The following CSNK1G3 variants were observed in gnomAD, a reference collection of about 807,000 sequenced individuals.
CSNK1G3 encodes the protein casein kinase 1 gamma 3, also known as casein kinase I isoform gamma-3.
Under a neutral mutation model 64.3 loss-of-function variants are expected in CSNK1G3, and 23 were observed. That is an observed-to-expected ratio of 0.36 (90% CI 0.26 to 0.51). The LOEUF (loss-of-function observed/expected upper bound fraction) is 0.51, where lower values mean the gene tolerates loss of function less well. Ranked by LOEUF, CSNK1G3 falls within the 20% of genes least tolerant of loss-of-function variation. CSNK1G3 has a pLI of 0.96. For missense variants in CSNK1G3, 357 were observed against 510.5 expected (o/e 0.70, Z 2.90); for synonymous variants, 158 against 162.2 (o/e 0.97, Z 0.20).
intron 1 of CSNK1G3, among the ~76,000 whole-genome samples, chr5:123,539,936 G>C (rs1781418896): frequency 6.6e-6 from 1 of 152,084 alleles, no homozygotes; most frequent in Non-Finnish European, 1.5e-5. Context: ...GTTACTCATA[G>C]TCCTTTGTCC....
chr5:123,616,415 C>G (rs539380062), exon 13 of CSNK1G3: 2 of 152,650 alleles, frequency 1.3e-5, no homozygotes, highest in Admixed American at 6.5e-5. Context: ...ATGATCTGAA[C>G]TCCTTATACA....
chr5:123,515,292 G>A (rs553291188), intron 1 of CSNK1G3, among the ~76,000 whole-genome samples: 1 of 152,240 alleles, frequency 6.6e-6, no homozygotes, highest in African/African-American at 2.4e-5. Context: ...TGGAACAAGC[G>A]GTTGTTTTGT....
intron 1 of CSNK1G3, among the ~76,000 whole-genome samples, chr5:123,541,342 A>G (rs1036097509): frequency 1.3e-5 from 2 of 152,228 alleles, no homozygotes; most frequent in African/African-American, 4.8e-5. Context: ...TAATAATAAT[A>G]CAGCCTCACA....
intron 1 of CSNK1G3, among the ~76,000 whole-genome samples, chr5:123,536,551 G>A (rs528601869): frequency 1.3e-4 from 19 of 151,754 alleles, no homozygotes; most frequent in African/African-American, 4.6e-4. Context: ...GCTAGAAGGA[G>A]TATATTGAAT....
At chr5:123,513,324 GTCTAC>G (rs755076009) in intron 1 of CSNK1G3, among the ~76,000 whole-genome samples, 2 of 152,064 alleles carry the variant, frequency 1.3e-5, no homozygotes, top group Non-Finnish European at 2.9e-5. Flanking sequence ...GGAGATGTGT[GTCTAC>G]TCGTGGGGTG....
At chr5:123,568,279 A>G (rs752004235) in intron 4 of CSNK1G3, among the ~76,000 whole-genome samples, 1 of 152,116 alleles carries the variant, frequency 6.6e-6, no homozygotes, top group Non-Finnish European at 1.5e-5. Flanking sequence ...CCAGCAGCCG[A>G]ACACCAGACG....
At chr5:123,591,179 T>G (rs950857637) in intron 9 of CSNK1G3, 140 bp from the exon 10 acceptor site, 3 of 454,466 alleles carry the variant, frequency 6.6e-6, no homozygotes, top group Non-Finnish European at 1.2e-5. Flanking sequence ...CAACATATTT[T>G]GATAATGATG....
intron 10 of CSNK1G3, among the ~76,000 whole-genome samples, chr5:123,603,566 A>G (rs532722386): frequency 1.3e-5 from 2 of 152,264 alleles, no homozygotes; most frequent in South Asian, 2.1e-4. Flanking sequence ...AATAAGAAAA[A>G]CATGAATACT....
intron 1 of CSNK1G3, among the ~76,000 whole-genome samples, chr5:123,538,489 T>C (rs1034454106): frequency 6.6e-6 from 1 of 152,184 alleles, no homozygotes; most frequent in African/African-American, 2.4e-5. Context: ...GAAAAGAGTC[T>C]ATTCAGATCG....
intron 4 of CSNK1G3, among the ~76,000 whole-genome samples, chr5:123,565,224 C>T (rs978770787): frequency 6.6e-5 from 10 of 152,078 alleles, no homozygotes; most frequent in Non-Finnish European, 1.2e-4. Context: ...ATTGTGATAA[C>T]ACAAGTCCCA....
At chr5:123,548,144 C>A (rs561200481) in intron 2 of CSNK1G3, among the ~76,000 whole-genome samples, 1 of 151,960 alleles carries the variant, frequency 6.6e-6, no homozygotes, top group African/African-American at 2.4e-5. Context: ...CTGTCCCAGA[C>A]ATTGCAGGGC....
chr5:123,575,336 T>A (rs1440159637), intron 5 of CSNK1G3, among the ~76,000 whole-genome samples: 3 of 152,226 alleles, frequency 2.0e-5, no homozygotes, highest in African/African-American at 7.2e-5. Context: ...AAAAGTTGCT[T>A]GGTTATTGAA....
chr5:123,615,512 A>C (rs1231054337), exon 13 of CSNK1G3: 1 of 152,572 alleles, frequency 6.6e-6, no homozygotes, highest in African/African-American at 2.4e-5. Context: ...ACTCTTTAGC[A>C]TAATTTTGAT....
chr5:123,613,195 T>C (rs948112289), intron 12 of CSNK1G3, among the ~76,000 whole-genome samples: 1 of 152,058 alleles, frequency 6.6e-6, no homozygotes, highest in African/African-American at 2.4e-5. Context: ...TTTCTTTTTT[T>C]TTTTTGGTGG....
chr5:123,564,872 C>G (rs1786521417), intron 4 of CSNK1G3, among the ~76,000 whole-genome samples: 2 of 152,104 alleles, frequency 1.3e-5, no homozygotes, highest in Non-Finnish European at 1.5e-5. Context: ...TTCATAGCAG[C>G]GCTTACTATT....
chr5:123,552,502 G>A (rs540251301), intron 2 of CSNK1G3, among the ~76,000 whole-genome samples: 2 of 152,060 alleles, frequency 1.3e-5, no homozygotes, highest in South Asian at 4.2e-4. Flanking sequence ...ATTCTTTCTT[G>A]TTTTTAGCTT....
intron 2 of CSNK1G3, among the ~76,000 whole-genome samples, chr5:123,548,901 G>GA (rs1446171786): frequency 6.6e-6 from 1 of 152,206 alleles, no homozygotes; most frequent in African/African-American, 2.4e-5. Context: ...ACAATATCCA[G>GA]AAAATGCTGG....
chr5:123,537,862 G>T (rs1447259915), intron 1 of CSNK1G3, among the ~76,000 whole-genome samples: 1 of 151,956 alleles, frequency 6.6e-6, no homozygotes. Flanking sequence ...CTACTTAACC[G>T]CTGATAGGAT....
intron 12 of CSNK1G3, among the ~76,000 whole-genome samples, chr5:123,613,235 C>T (rs1430203825): frequency 6.7e-6 from 1 of 150,062 alleles, no homozygotes; most frequent in Non-Finnish European, 1.5e-5. Context: ...TCAGTTCATA[C>T]CAGACCACAG....
Sources: allele counts gnomAD v4.1 joint callset (sites outside exome capture counted in the v4.1 genomes callset), GRCh38; gene constraint gnomAD v4.1.1; transcripts MANE v1.5; gene names NCBI Gene and HGNC (gene_info 2026-07-23, HGNC 2026-07-21).